The following TMEM184B variants were observed in gnomAD, a reference collection of about 807,000 sequenced individuals.
TMEM184B encodes putative MAPK-activating protein FM08.
TMEM184B carries 17 observed loss-of-function variants against 41.8 expected under a neutral mutation model. The observed-to-expected ratio is 0.41, with a 90% CI of 0.28 to 0.61. The LOEUF is 0.61. TMEM184B is among the 20% of genes least tolerant of loss of function. The probability of loss-of-function intolerance (pLI) is 0.34; values close to 1 mark genes in which losing one functional copy is unlikely to be tolerated. For synonymous variants in TMEM184B, 240 were observed against 229.5 expected, an observed-to-expected ratio of 1.05 and a Z score of -0.41; for missense variants, 393 against 557.8, an observed-to-expected ratio of 0.70 and a Z score of 2.98.
At chr22:38,266,534 T>TCA (rs1277152717) in intron 1 of TMEM184B, among the ~76,000 whole-genome samples, 1 of 152,240 alleles carries the variant, frequency 6.6e-6, no homozygotes, top group Admixed American at 6.5e-5. Context: ...GCTGAAGACC[T>TCA]CATCTTTCCT....
intron 1 of TMEM184B, among the ~76,000 whole-genome samples, chr22:38,249,946 C>G (rs2092125116): frequency 6.6e-6 from 1 of 152,272 alleles, no homozygotes; most frequent in African/African-American, 2.4e-5. Context: ...TATGTAGGCA[C>G]TGAGGAAAGA....
intron 3 of TMEM184B, among the ~76,000 whole-genome samples, chr22:38,241,264 G>GTTTGT (rs937408306): frequency 2.0e-5 from 3 of 152,202 alleles, no homozygotes; most frequent in East Asian, 1.9e-4. Context: ...TGGTTGGTTG[G>GTTTGT]TTTGTTTTGT....
chr22:38,271,334 C>T (rs1352756132), intron 1 of TMEM184B, among the ~76,000 whole-genome samples: 3 of 152,102 alleles, frequency 2.0e-5, no homozygotes, highest in Non-Finnish European at 4.4e-5. Context: ...AGAGAGAGGT[C>T]CTGGTTAAAG....
chr22:38,272,510 A>G, intron 1 of TMEM184B: 1 of 985,480 alleles, frequency 1.0e-6, no homozygotes, highest in East Asian at 1.1e-4. Flanking sequence ...CGGCCGTGCC[A>G]GTCGCCAGCA....
chr22:38,224,725 T>TGGTTTTG, intron 8 of TMEM184B, 60 bp downstream of exon 8: 4 of 1,505,964 alleles, frequency 2.7e-6, no homozygotes, highest in Non-Finnish European at 3.6e-6. Context: ...GGGAGGGTCC[T>TGGTTTTG]GGGATGTTTG....
chr22:38,241,102 T>TG (rs1224190491), intron 3 of TMEM184B, among the ~76,000 whole-genome samples: 2 of 152,152 alleles, frequency 1.3e-5, no homozygotes, highest in East Asian at 3.9e-4. Context: ...TTATGGTGAA[T>TG]GAAAGAGCCA....
At chr22:38,259,939 C>CTTT (rs60704295) in intron 1 of TMEM184B, among the ~76,000 whole-genome samples, 9 of 87,364 alleles carry the variant, frequency 1.0e-4, no homozygotes, top group Non-Finnish European at 1.4e-4. Context: ...CCACGCCTGG[C>CTTT]TTTTTTTTTT....
intron 1 of TMEM184B, among the ~76,000 whole-genome samples, chr22:38,259,315 T>C (rs533896843): frequency 6.6e-6 from 1 of 152,304 alleles, no homozygotes; most frequent in South Asian, 2.1e-4. Flanking sequence ...CCCAAAGATG[T>C]TGACATCCTA....
rs1393754578 is a variant in TMEM184B at position 38,239,282 on chromosome 22, T to G, written c.358+6653A>C. On this transcript the variant is annotated intron_variant, in intron 3 of 8. Coordinates refer to ENST00000361906, the MANE Select transcript of TMEM184B (RefSeq NM_012264.5). This position sits in a 1 kb window ranked among gnomAD's most constrained non-coding sequence, Gnocchi z 4.6. ...CTCTTCCAAGACTCAGCCCTCTCTT[T>G]GAGAACAGGAAGCACTAGTCACAGG... is the stretch of plus-strand genomic sequence containing the variant. 1 of 152,310 alleles carries G rather than the reference T, an allele frequency of 6.6e-6. No individual in the cohort carries two copies. Among genetic ancestry groups the G allele is most frequent in the Non-Finnish European group, 1.5e-5 (1 of 68,136 alleles). The allele number at this position is 152,310 out of a possible 1,614,324, so 9.4% of individuals were successfully genotyped here.
At chr22:38,263,759 T>C (rs1489660030) in intron 1 of TMEM184B, among the ~76,000 whole-genome samples, 1 of 152,186 alleles carries the variant, frequency 6.6e-6, no homozygotes, top group African/African-American at 2.4e-5. Context: ...AAATTGTTCA[T>C]CCAAGAAATG....
rs2091238316 is a variant in TMEM184B at position 38,220,876 on chromosome 22, G to A, written c.*593C>T. 1 of 986,128 alleles carries A rather than the reference G, an allele frequency of 1.0e-6. No individual in the cohort carries two copies. Among genetic ancestry groups the A allele is most frequent in the Non-Finnish European group, 1.2e-6 (1 of 830,116 alleles). 61.1% of individuals were successfully genotyped at this position (986,128 alleles called of 1,614,324 possible). A position where few individuals can be genotyped will look rare whatever the true frequency, so the allele number is the denominator to read the frequency against. Reference sequence around the variant, plus strand: ...TGAATGCCCTTCCTGGGTGGGGCCTGTGACTCCTGGTGTCTGGCTCTGATC... The same window carrying A: ...TGAATGCCCTTCCTGGGTGGGGCCTATGACTCCTGGTGTCTGGCTCTGATC... On this transcript the variant is annotated 3_prime_UTR_variant, in exon 9 of 9. Coordinates refer to ENST00000361906, the MANE Select transcript of TMEM184B (RefSeq NM_012264.5).
At chr22:38,257,727 G>C (rs904782329) in intron 1 of TMEM184B, among the ~76,000 whole-genome samples, 5 of 152,162 alleles carry the variant, frequency 3.3e-5, no homozygotes, top group African/African-American at 1.2e-4. Context: ...TAATATACGT[G>C]TATACTTATT....
chr22:38,262,809 G>A (rs926255051), intron 1 of TMEM184B, among the ~76,000 whole-genome samples: 1 of 152,236 alleles, frequency 6.6e-6, no homozygotes, highest in African/African-American at 2.4e-5. Context: ...GTGGTCTGGG[G>A]CCTGAGTGAG....
At chr22:38,247,635 T>C (rs2092064755) in intron 2 of TMEM184B, 135 bp downstream of exon 2, 16 of 1,150,210 alleles carry the variant, frequency 1.4e-5, no homozygotes, top group African/African-American at 4.7e-5. Flanking sequence ...TAGACTTCTA[T>C]CGAGGGAAGC....
In TMEM184B at chr22:38,240,165, A is replaced by G. The variant is rs577061061; in HGVS notation, c.358+5770T>C. On this transcript the variant is annotated intron_variant, in intron 3 of 8. Coordinates refer to ENST00000361906, the MANE Select transcript of TMEM184B (RefSeq NM_012264.5). Reference sequence around the variant, plus strand: ...GAGGAGCGCTTCTAACAAGAAGGTCAAAGACCAAAGCGACCAAACAGAAGA... The same window carrying G: ...GAGGAGCGCTTCTAACAAGAAGGTCGAAGACCAAAGCGACCAAACAGAAGA... Among the ~76,000 whole-genome samples, 26 of 152,270 alleles carry G rather than the reference A, an allele frequency of 1.7e-4. No individual in the cohort carries two copies. In the South Asian group the frequency reaches 2.1e-3, roughly 12 times the overall value.
intron 1 of TMEM184B, among the ~76,000 whole-genome samples, chr22:38,266,304 T>C (rs1014954006): frequency 2.0e-5 from 3 of 152,254 alleles, no homozygotes; most frequent in African/African-American, 7.2e-5. Context: ...TGACCTGCCC[T>C]ATCTCCAAAC....
Position 38,247,933 on chromosome 22 carries a change from G to A in TMEM184B, c.29C>T (p.Pro10Leu), listed in dbSNP as rs1480524769. 1.1e-5 allele frequency: 18 copies of A among 1,591,720 alleles called. No homozygotes were observed. The highest frequency in any genetic ancestry group is 1.7e-5 in the Admixed American group (1 of 57,290). Residue 10 changes from proline (P) to leucine (L), a missense_variant, in exon 2 of 9, where the codon CCG becomes CTG. By Grantham distance (98) the Pro-to-Leu change is moderately conservative. Around this residue, in one of 2 missense-constraint regions of TMEM184B, gnomAD observed 122 missense variants for 123.7 expected, o/e 0.99. Coordinates refer to ENST00000361906, the MANE Select transcript of TMEM184B (RefSeq NM_012264.5). MTVRGDVLA[P>L]DPASPTTAAA... ...TGCGGTCGTGGGCGACGCTGGATCC[G>A]GGGCCAGCACATCCCCCCTCACTGT...
chr22:38,225,412 G>C lies in TMEM184B; in HGVS notation c.787+12C>G. ...GGCATGGGCAGCCTCCAGGTGCTGG[G>C]AGGGGGCTCACCTTGCCAGAAGGAA... On this transcript the variant is annotated intron_variant, in intron 7 of 8. Coordinates refer to ENST00000361906, the MANE Select transcript of TMEM184B (RefSeq NM_012264.5). The surrounding 1 kb of genome is among the most constrained non-coding windows in gnomAD (Gnocchi z 4.4). 6.5e-7 allele frequency: 1 copy of C among 1,547,638 alleles called. No individual in the cohort carries two copies. The highest frequency in any genetic ancestry group is 8.7e-7 in the Non-Finnish European group (1 of 1,150,308).
rs1384293039 is a variant in TMEM184B at position 38,219,591 on chromosome 22, G to T, written c.*1878C>A. ...GAGGAGGAGGGGATGGAGCGGTCGG[G>T]CACATGTTCCCGTCCCCACGACCCC... On this transcript the variant is annotated 3_prime_UTR_variant, in exon 9 of 9. Coordinates refer to ENST00000361906, the MANE Select transcript of TMEM184B (RefSeq NM_012264.5). 1 of 985,128 alleles carries T rather than the reference G, an allele frequency of 1.0e-6. No individual in the cohort carries two copies. The highest frequency in any genetic ancestry group is 1.2e-6 in the Non-Finnish European group (1 of 829,888). 61.0% of individuals were successfully genotyped at this position (985,128 alleles called of 1,614,324 possible). A position where few individuals can be genotyped will look rare whatever the true frequency, so the allele number is the denominator to read the frequency against.
Sources: gnomAD v4.1 joint callset for allele counts (sites outside exome capture counted in the v4.1 genomes callset) on GRCh38, gnomAD v4.1.1 for gene constraint, gnomAD v4.1.1 regional missense constraint, Gnocchi (gnomAD v3.1) non-coding constraint, MANE v1.5 for transcripts, NCBI Gene and HGNC (gene_info 2026-07-23, HGNC 2026-07-21) for gene names.